DCLK1: variants seen among roughly 807,000 people sequenced by gnomAD.
The protein encoded by DCLK1 is serine/threonine-protein kinase DCLK1.
A neutral mutation model predicts 86.2 loss-of-function variants in DCLK1; 16 were observed. That is an observed-to-expected ratio of 0.19 (90% CI 0.13 to 0.28). The LOEUF (loss-of-function observed/expected upper bound fraction) is 0.28. Among genes scored for constraint, DCLK1 ranks in the 10% least tolerant of loss-of-function variants. DCLK1 has a pLI of 1.00. For synonymous variants in DCLK1, 369 were observed against 370.5 expected (o/e 1.00, Z 0.05); for missense variants, 590 against 940.2 (o/e 0.63, Z 4.87).
intron 4 of DCLK1, among the ~76,000 whole-genome samples, chr13:35,882,684 CAAAAGGAACA>C (rs1286603325): frequency 7.3e-4 from 111 of 152,278 alleles, no homozygotes; most frequent in African/African-American, 2.3e-3. Flanking sequence ...TATTTCCCTG[CAAAAGGAACA>C]ATTCCCCAAT....
At chr13:35,973,614 T>G (rs2153139992) in intron 3 of DCLK1, among the ~76,000 whole-genome samples, 1 of 152,154 alleles carries the variant, frequency 6.6e-6, no homozygotes, top group South Asian at 2.1e-4. Context: ...AAGAAGGTGC[T>G]CAACAAATGA....
intron 3 of DCLK1, among the ~76,000 whole-genome samples, chr13:36,038,360 C>T (rs1413229702): frequency 7.2e-5 from 11 of 152,116 alleles, no homozygotes; most frequent in Admixed American, 7.2e-4. Context: ...ATGAGAGCCT[C>T]CCAGGGGCAG....
chr13:35,774,441 G>T lies in DCLK1; in HGVS notation c.*94C>A. 1 of 1,437,234 alleles carries T rather than the reference G, an allele frequency of 7.0e-7. No individual in the cohort carries two copies. The highest frequency in any genetic ancestry group is 9.4e-7 in the Non-Finnish European group (1 of 1,058,214). 89.0% of individuals were successfully genotyped at this position (1,437,234 alleles called of 1,614,324 possible). ...TCTGCCATTCAAGCATTGAGCGCTA[G>T]ATAGATCAGATGAAACTGTTTTACA... is the stretch of plus-strand genomic sequence containing the variant. On this transcript the variant is annotated 3_prime_UTR_variant, in exon 17 of 17. Transcript: ENST00000360631.
chr13:35,970,366 C>A (rs1214171062), intron 3 of DCLK1, among the ~76,000 whole-genome samples: 1 of 152,100 alleles, frequency 6.6e-6, no homozygotes, highest in Non-Finnish European at 1.5e-5. Context: ...CTAGCCAATC[C>A]CGCTTCTGAT....
At chr13:35,915,287 T>TA (rs1288960792) in intron 4 of DCLK1, among the ~76,000 whole-genome samples, 1 of 152,230 alleles carries the variant, frequency 6.6e-6, no homozygotes, top group Non-Finnish European at 1.5e-5. Context: ...ACTTGGGTAG[T>TA]AAGTGTTGTA....
rs139437011 is a variant in DCLK1 at position 36,049,774 on chromosome 13, G to A, written c.723+62095C>T. On this transcript the variant is annotated intron_variant, in intron 3 of 16. Transcript: ENST00000360631. ...TATAAGTCCTTACCCTTATAAAATTGGCTATGGAAAGAGAGCAAAAGTAAC... is the reference window on the plus strand; with the variant it reads ...TATAAGTCCTTACCCTTATAAAATTAGCTATGGAAAGAGAGCAAAAGTAAC... 5.1e-3 allele frequency among the ~76,000 whole-genome samples: 780 copies of A among 152,142 alleles called. 6 individuals carry two copies. Among genetic ancestry groups the A allele is most frequent in the African/African-American group, 0.018 (733 of 41,516 alleles).
At chr13:35,786,536 T>G (rs977448412) in intron 16 of DCLK1, among the ~76,000 whole-genome samples, 1 of 152,144 alleles carries the variant, frequency 6.6e-6, no homozygotes, top group African/African-American at 2.4e-5. Context: ...AGGGAGCCCC[T>G]GGGGTGCTAG....
intron 5 of DCLK1, among the ~76,000 whole-genome samples, chr13:35,856,884 G>A (rs2153111218): frequency 6.6e-6 from 1 of 152,246 alleles, no homozygotes; most frequent in South Asian, 2.1e-4. Flanking sequence ...CCATTTTACA[G>A]GTGAGGAAAT....
intron 3 of DCLK1, among the ~76,000 whole-genome samples, chr13:35,978,455 C>T (rs1566630029): frequency 6.6e-6 from 1 of 152,042 alleles, no homozygotes; most frequent in Non-Finnish European, 1.5e-5. Flanking sequence ...ATCCACCCAC[C>T]TTGGCCTCCC....
intron 5 of DCLK1, among the ~76,000 whole-genome samples, chr13:35,869,845 A>T (rs939551125): frequency 3.3e-5 from 5 of 152,162 alleles, no homozygotes; most frequent in African/African-American, 1.2e-4. Flanking sequence ...CAAAATGTGG[A>T]CCACAGACTA....
intron 5 of DCLK1, among the ~76,000 whole-genome samples, chr13:35,867,909 A>AAAGAAAGAAAG (rs1555345722): frequency 9.8e-5 from 10 of 102,434 alleles, no homozygotes; most frequent in African/African-American, 3.2e-4. Context: ...GAAAGAAAGA[A>AAAGAAAGAAAG]AAAGAAAGAA....
intron 3 of DCLK1, among the ~76,000 whole-genome samples, chr13:36,106,732 C>A (rs557997832): frequency 6.6e-6 from 1 of 152,214 alleles, no homozygotes; most frequent in South Asian, 2.1e-4. Flanking sequence ...TTTCCCATTC[C>A]AAATAAATCC....
At chr13:35,955,736 T>C (rs2153135349) in intron 3 of DCLK1, among the ~76,000 whole-genome samples, 1 of 152,210 alleles carries the variant, frequency 6.6e-6, no homozygotes, top group South Asian at 2.1e-4. Flanking sequence ...GCTTACCCTG[T>C]AGGGTTTCAT....
chr13:35,974,900 T>C (rs1373694347), intron 3 of DCLK1, among the ~76,000 whole-genome samples: 1 of 152,202 alleles, frequency 6.6e-6, no homozygotes, highest in Non-Finnish European at 1.5e-5. Flanking sequence ...CCACCCAGTA[T>C]GTGGTACTTT....
At chr13:35,933,423 T>C (rs1876568270) in intron 4 of DCLK1, among the ~76,000 whole-genome samples, 1 of 152,236 alleles carries the variant, frequency 6.6e-6, no homozygotes, top group African/African-American at 2.4e-5. Flanking sequence ...ATTTCCCTTC[T>C]GCATTGCCCT....
intron 16 of DCLK1, among the ~76,000 whole-genome samples, chr13:35,785,339 C>T (rs564793257): frequency 8.5e-5 from 13 of 152,180 alleles, no homozygotes; most frequent in South Asian, 8.3e-4. Flanking sequence ...GAAAATATAA[C>T]GGGATGCAAA....
intron 3 of DCLK1, among the ~76,000 whole-genome samples, chr13:36,089,200 T>C (rs1339768239): frequency 1.3e-5 from 2 of 152,182 alleles, no homozygotes; most frequent in Non-Finnish European, 1.5e-5. Context: ...TTCTGCCCCA[T>C]TTCGAATCAT....
At chr13:36,114,465 G>A (rs534728959) in intron 2 of DCLK1, among the ~76,000 whole-genome samples, 1 of 152,290 alleles carries the variant, frequency 6.6e-6, no homozygotes, top group South Asian at 2.1e-4. Context: ...CTAAAGGAAG[G>A]AGAAGGAGCT....
intron 15 of DCLK1, 128 bp downstream of exon 15, chr13:35,805,571 T>A: frequency 1.1e-6 from 1 of 896,984 alleles, no homozygotes. Context: ...AGGGCTGAGA[T>A]TACAGGCGTG....
Sources: allele counts gnomAD v4.1 joint callset (sites outside exome capture counted in the v4.1 genomes callset), GRCh38; gene constraint gnomAD v4.1.1; transcripts MANE v1.5; gene names NCBI Gene and HGNC (gene_info 2026-07-23, HGNC 2026-07-21).